TXN: variants seen among roughly 807,000 people sequenced by gnomAD.
TXN encodes ADF.
TXN carries 10 observed loss-of-function variants against 16.5 expected under a neutral mutation model. The ratio of observed to expected loss-of-function variants is 0.61; its 90% CI spans 0.37 to 1.03. TXN has a LOEUF of 1.03. Among genes scored for constraint, TXN ranks in the 50% least tolerant of loss-of-function variants. The pLI, the probability that TXN is intolerant of heterozygous loss-of-function variation, is 0.01. For synonymous variants in TXN, 35 were observed against 39.4 expected, an observed-to-expected ratio of 0.89 and a Z score of 0.42; for missense variants, 71 against 122.5, an observed-to-expected ratio of 0.58 and a Z score of 1.98.
At position 110,256,497 on chromosome 9, in the gene TXN, A is replaced by T; in HGVS notation, c.-62T>A. ...CGATGGAAATGGATCCAAAGCACCAAACAGAGCTTCAAGACTCGCTGCTTG... is the reference window on the plus strand; with the variant it reads ...CGATGGAAATGGATCCAAAGCACCATACAGAGCTTCAAGACTCGCTGCTTG... On this transcript the variant is annotated 5_prime_UTR_variant, in exon 1 of 5. In the 5' UTR this introduces an upstream ATG that the reference lacks. Coordinates refer to ENST00000374517, the MANE Select transcript of TXN (RefSeq NM_003329.4). The surrounding 1 kb of genome is among the most constrained non-coding windows in gnomAD (Gnocchi z 4.2). The T allele has an allele frequency of 1.3e-6, 2 of 1,555,040 alleles. No individual in the cohort carries two copies. Among genetic ancestry groups the T allele is most frequent in the Middle Eastern group, 1.7e-4 (1 of 5,976 alleles).
intron 1 of TXN, among the ~76,000 whole-genome samples, chr9:110,255,823 G>C (rs1440163321): frequency 6.6e-6 from 1 of 152,188 alleles, no homozygotes; most frequent in Admixed American, 6.5e-5. Context: ...GGAGGCAGGC[G>C]GGGGTCTCCG....
At chr9:110,253,277 A>G (rs1837764799) in intron 1 of TXN, among the ~76,000 whole-genome samples, 1 of 152,192 alleles carries the variant, frequency 6.6e-6, no homozygotes, top group Non-Finnish European at 1.5e-5. Flanking sequence ...TGAGAAAGGT[A>G]GGACAACACT....
chr9:110,250,161 T>C (rs1837712426), intron 3 of TXN, among the ~76,000 whole-genome samples: 1 of 152,250 alleles, frequency 6.6e-6, no homozygotes, highest in African/African-American at 2.4e-5. Context: ...TGAAACTTCA[T>C]GAACAACCTC....
chr9:110,248,792 GCTTATCAT>G (rs1246414248), intron 3 of TXN, among the ~76,000 whole-genome samples: 3 of 151,982 alleles, frequency 2.0e-5, no homozygotes. Context: ...CATGCAAAGG[GCTTATCAT>G]GGCATCTGGC....
At chr9:110,249,142 AAAAAAAAAAAAAAAAAATC>A (rs1215366274) in intron 3 of TXN, among the ~76,000 whole-genome samples, 25 of 149,762 alleles carry the variant, frequency 1.7e-4, no homozygotes, top group African/African-American at 5.9e-4. Flanking sequence ...AAAAAAAAAA[AAAAAAAAAAAAAAAAAATC>A]AAGTTGCTAT....
intron 2 of TXN, 130 bp from the exon 3 acceptor site, chr9:110,251,009 G>C (rs1362885792): frequency 4.4e-6 from 3 of 687,786 alleles, no homozygotes; most frequent in Non-Finnish European, 7.3e-6. Flanking sequence ...TTAGATCTTT[G>C]GAGACATAGA....
chr9:110,247,612 C>T (rs1837675960), intron 3 of TXN, among the ~76,000 whole-genome samples: 1 of 152,210 alleles, frequency 6.6e-6, no homozygotes, highest in South Asian at 2.1e-4. Context: ...CTACAGACTG[C>T]TTTACCTGCG....
chr9:110,248,848 G>T (rs759515854), intron 3 of TXN, among the ~76,000 whole-genome samples: 1 of 152,208 alleles, frequency 6.6e-6, no homozygotes, highest in Middle Eastern at 3.4e-3. Context: ...AAGGCCGGGC[G>T]TGGTGGATAA....
At position 110,244,201 on chromosome 9, in the gene TXN, C is replaced by A; in HGVS notation, c.274G>T (p.Ala92Ser). The change falls in exon 5 of 5, where the codon GCC becomes TCC. Residue 92 changes from alanine (A) to serine (S), a missense_variant. Transcript: ENST00000374517. ...KGQKVGEFSG[A>S]NKEKLEATIN... ...GTGGCTTCAAGCTTTTCCTTATTGG[C>A]TCCAGAAAATTCACCCACCTGTTAA... is the stretch of plus-strand genomic sequence containing the variant. 6.4e-7 allele frequency: 1 copy of A among 1,571,208 alleles called. No individual in the cohort carries two copies. Among genetic ancestry groups the A allele is most frequent in the Non-Finnish European group, 8.6e-7 (1 of 1,158,072 alleles).
Position 110,244,853 on chromosome 9 carries a change from A to T in TXN, c.190-10T>A. 6.2e-7 allele frequency: 1 copy of T among 1,610,656 alleles called. No individual in the cohort carries two copies. The highest frequency in any genetic ancestry group is 8.5e-7 in the Non-Finnish European group (1 of 1,177,154). ...ACTCTGAAGCAACATCCTGGTAGGGAAAGTAGCAAAGGGAGAGGATTAAAT... is the reference window on the plus strand; with the variant it reads ...ACTCTGAAGCAACATCCTGGTAGGGTAAGTAGCAAAGGGAGAGGATTAAAT... On this transcript the variant is annotated splice_polypyrimidine_tract_variant and intron_variant, in intron 3 of 4. Transcript: ENST00000374517.
At chr9:110,255,059 G>A (rs1258553600) in intron 1 of TXN, among the ~76,000 whole-genome samples, 1 of 152,192 alleles carries the variant, frequency 6.6e-6, no homozygotes, top group South Asian at 2.1e-4. Flanking sequence ...AGATGACAGT[G>A]GCAATCAACA....
In TXN at chr9:110,256,503, G is replaced by C. The variant is rs746831425; in HGVS notation, c.-68C>G. 79 of 1,527,544 alleles carry C rather than the reference G, an allele frequency of 5.2e-5. No homozygotes were observed. Among genetic ancestry groups the C allele is most frequent in the Non-Finnish European group, 6.8e-5 (76 of 1,120,636 alleles). 94.6% of individuals were successfully genotyped at this position (1,527,544 alleles called of 1,614,324 possible). A position where few individuals can be genotyped will look rare whatever the true frequency, so the allele number is the denominator to read the frequency against. ...AAATGGATCCAAAGCACCAAACAGA[G>C]CTTCAAGACTCGCTGCTTGCTCTCT... On this transcript the variant is annotated 5_prime_UTR_variant, in exon 1 of 5. Transcript: ENST00000374517. This position sits in a 1 kb window ranked among gnomAD's most constrained non-coding sequence, Gnocchi z 4.2.
At chr9:110,247,550 G>A (rs1382145600) in intron 3 of TXN, among the ~76,000 whole-genome samples, 4 of 152,104 alleles carry the variant, frequency 2.6e-5, no homozygotes, top group Non-Finnish European at 4.4e-5. Context: ...ATAGCCCATC[G>A]CATTAGCTGG....
chr9:110,248,265 C>T (rs959510007), intron 3 of TXN, among the ~76,000 whole-genome samples: 11 of 152,228 alleles, frequency 7.2e-5, no homozygotes, highest in South Asian at 2.1e-4. Flanking sequence ...TTCACATTCA[C>T]TCACCACCCA....
In TXN at chr9:110,256,504, C is replaced by G. The variant is rs1029517992; in HGVS notation, c.-69G>C. ...AATGGATCCAAAGCACCAAACAGAG[C>G]TTCAAGACTCGCTGCTTGCTCTCTC... On this transcript the variant is annotated 5_prime_UTR_variant, in exon 1 of 5. Coordinates refer to ENST00000374517, the MANE Select transcript of TXN (RefSeq NM_003329.4). This position sits in a 1 kb window ranked among gnomAD's most constrained non-coding sequence, Gnocchi z 4.2. 5.2e-6 allele frequency: 8 copies of G among 1,524,448 alleles called. No individual in the cohort carries two copies. The highest frequency in any genetic ancestry group is 6.3e-6 in the Non-Finnish European group (7 of 1,118,834). 94.4% of individuals were successfully genotyped at this position (1,524,448 alleles called of 1,614,324 possible).
intron 1 of TXN, among the ~76,000 whole-genome samples, chr9:110,253,295 A>G (rs866738398): frequency 6.6e-6 from 1 of 152,120 alleles, no homozygotes; most frequent in Non-Finnish European, 1.5e-5. Flanking sequence ...ACTTTCATAA[A>G]TTTTTTAGTT....
At chr9:110,254,809 G>A (rs1187740538) in intron 1 of TXN, among the ~76,000 whole-genome samples, 7 of 152,298 alleles carry the variant, frequency 4.6e-5, no homozygotes, top group Non-Finnish European at 8.8e-5. Context: ...ACCACTCAAA[G>A]GTCTTCTGGC....
Position 110,256,303 on chromosome 9 carries a change from C to T in TXN, c.24+109G>A. The T allele has an allele frequency of 1.7e-6, 2 of 1,177,994 alleles. No homozygotes were observed. Among genetic ancestry groups the T allele is most frequent in the Non-Finnish European group, 2.4e-6 (2 of 823,202 alleles). The allele number at this position is 1,177,994 out of a possible 1,614,324, so 73.0% of individuals were successfully genotyped here. A position where few individuals can be genotyped will look rare whatever the true frequency, so the allele number is the denominator to read the frequency against. ...CCTTTCCCCTGGCGATGCGGAGGGG[C>T]GGCCTCCGCACCTCCCGCCACCGCC... On this transcript the variant is annotated intron_variant, in intron 1 of 4. Transcript: ENST00000374517. The surrounding 1 kb of genome is among the most constrained non-coding windows in gnomAD (Gnocchi z 4.2).
chr9:110,253,729 C>T (rs4135178), intron 1 of TXN, among the ~76,000 whole-genome samples: 5,367 of 152,252 alleles, frequency 0.035, 300 homozygotes, highest in African/African-American at 0.12. Flanking sequence ...TTACACCCCA[C>T]GTATGTGCAG....
Sources: gnomAD v4.1 joint callset for allele counts (sites outside exome capture counted in the v4.1 genomes callset) on GRCh38, gnomAD v4.1.1 for gene constraint, Gnocchi (gnomAD v3.1) non-coding constraint, MANE v1.5 for transcripts, NCBI Gene and HGNC (gene_info 2026-07-23, HGNC 2026-07-21) for gene names.